Variants in LRRC4C observed in about 807,000 individuals in gnomAD.
The protein encoded by LRRC4C is leucine rich repeat containing 4C.
Under a neutral mutation model 33.6 loss-of-function variants are expected in LRRC4C, and 5 were observed. The observed-to-expected ratio is 0.15, with a 90% CI of 0.08 to 0.31. LRRC4C has a LOEUF of 0.31. Among genes scored for constraint, LRRC4C ranks in the 10% least tolerant of loss-of-function variants. The pLI is 1.00. For missense variants in LRRC4C, 560 were observed against 796.7 expected, an observed-to-expected ratio of 0.70 and a Z score of 3.58; for synonymous variants, 329 against 302.0, an observed-to-expected ratio of 1.09 and a Z score of -0.93.
intron 6 of LRRC4C, among the ~76,000 whole-genome samples, chr11:40,121,472 C>T (rs1393417027): frequency 6.6e-6 from 1 of 152,194 alleles, no homozygotes; most frequent in Non-Finnish European, 1.5e-5. Flanking sequence ...AAAAGCCAGT[C>T]TTCAACATCT....
At chr11:41,137,342 A>G (rs1943310644) in intron 1 of LRRC4C, among the ~76,000 whole-genome samples, 1 of 152,178 alleles carries the variant, frequency 6.6e-6, no homozygotes, top group African/African-American at 2.4e-5. Flanking sequence ...AAGATTCTAT[A>G]CCCAGGATGG....
At chr11:40,400,869 C>T (rs1949731934) in intron 3 of LRRC4C, among the ~76,000 whole-genome samples, 1 of 152,108 alleles carries the variant, frequency 6.6e-6, no homozygotes, top group Non-Finnish European at 1.5e-5. Context: ...CCTATACTTT[C>T]TCTATCCCAC....
chr11:40,635,627 A>ATTTT (rs1963879177), intron 3 of LRRC4C, among the ~76,000 whole-genome samples: 1 of 133,318 alleles, frequency 7.5e-6, no homozygotes, highest in African/African-American at 2.7e-5. Flanking sequence ...AAAAGAACCA[A>ATTTT]ATTTTTTTTT....
chr11:40,707,599 G>A (rs1591517373), intron 2 of LRRC4C, among the ~76,000 whole-genome samples: 1 of 152,282 alleles, frequency 6.6e-6, no homozygotes, highest in East Asian at 1.9e-4. Flanking sequence ...ATGTGCTGCT[G>A]GATTTGGTTT....
intron 1 of LRRC4C, among the ~76,000 whole-genome samples, chr11:41,428,873 T>C (rs1427725204): frequency 6.6e-6 from 1 of 152,122 alleles, no homozygotes; most frequent in Non-Finnish European, 1.5e-5. Context: ...ACTGGAGATG[T>C]ATGTGACTAA....
intron 6 of LRRC4C, among the ~76,000 whole-genome samples, chr11:40,131,952 T>C (rs903226957): frequency 6.6e-6 from 1 of 152,192 alleles, no homozygotes; most frequent in Non-Finnish European, 1.5e-5. Context: ...CCATCATGGG[T>C]TCCTAAGAAG....
At chr11:40,336,593 C>A (rs1946614314) in intron 3 of LRRC4C, among the ~76,000 whole-genome samples, 1 of 152,138 alleles carries the variant, frequency 6.6e-6, no homozygotes, top group African/African-American at 2.4e-5. Flanking sequence ...TCTCTCACAG[C>A]ATTTAGCATC....
Position 40,322,505 on chromosome 11 carries a change from C to T in LRRC4C, c.-269-2784G>A, listed in dbSNP as rs576011330. Among the ~76,000 whole-genome samples the T allele has an allele frequency of 5.2e-4, 79 of 152,282 alleles. 1 individual carries two copies. The highest frequency in any genetic ancestry group is 4.4e-5 in the Non-Finnish European group (3 of 68,032). On this transcript the variant is annotated intron_variant, in intron 3 of 6. Transcript: ENST00000528697. ...AGGTGATTCACCTGCCTCACCCTCC[C>T]AAACTGCAAGGATTACAGGTGTGAA...
At chr11:40,140,356 T>C (rs1857278827) in intron 6 of LRRC4C, among the ~76,000 whole-genome samples, 1 of 152,122 alleles carries the variant, frequency 6.6e-6, no homozygotes, top group Non-Finnish European at 1.5e-5. Flanking sequence ...TGCTGGTGGA[T>C]GGTGGTGTAA....
intron 1 of LRRC4C, among the ~76,000 whole-genome samples, chr11:40,947,082 T>A (rs568002519): frequency 6.6e-6 from 1 of 152,262 alleles, no homozygotes; most frequent in African/African-American, 2.4e-5. Flanking sequence ...GAAAGTTCCT[T>A]ATCAATTAAT....
chr11:40,323,143 AG>A (rs1945934670), intron 3 of LRRC4C, among the ~76,000 whole-genome samples: 1 of 152,190 alleles, frequency 6.6e-6, no homozygotes, highest in African/African-American at 2.4e-5. Flanking sequence ...TTGCACTCAA[AG>A]GCAGAAGTTC....
intron 3 of LRRC4C, among the ~76,000 whole-genome samples, chr11:40,364,548 A>G (rs1333367212): frequency 6.6e-6 from 1 of 152,122 alleles, no homozygotes; most frequent in Non-Finnish European, 1.5e-5. Context: ...AAAGACTAAA[A>G]AAGCAAGCAA....
chr11:41,259,990 T>A (rs552105182), intron 1 of LRRC4C, among the ~76,000 whole-genome samples: 1 of 152,192 alleles, frequency 6.6e-6, no homozygotes, highest in South Asian at 2.1e-4. Context: ...TGGCATCTAA[T>A]ATCTGTAGGT....
intron 3 of LRRC4C, among the ~76,000 whole-genome samples, chr11:40,568,273 C>G (rs1249311075): frequency 1.3e-5 from 2 of 152,298 alleles, no homozygotes; most frequent in African/African-American, 4.8e-5. Context: ...ATGTCTCCAA[C>G]CATCAGCCTG....
intron 5 of LRRC4C, among the ~76,000 whole-genome samples, chr11:40,200,653 GT>G (rs914621616): frequency 1.4e-4 from 20 of 146,764 alleles, no homozygotes; most frequent in African/African-American, 5.0e-4. Context: ...GTTCCCCGTA[GT>G]TTATTACCTT....
At chr11:40,140,218 A>T (rs1857266967) in intron 6 of LRRC4C, among the ~76,000 whole-genome samples, 1 of 152,192 alleles carries the variant, frequency 6.6e-6, no homozygotes, top group Admixed American at 6.5e-5. Flanking sequence ...TGATACAATA[A>T]ATCATAGAGC....
chr11:41,334,092 A>C (rs1951377028), intron 1 of LRRC4C, among the ~76,000 whole-genome samples: 1 of 152,200 alleles, frequency 6.6e-6, no homozygotes, highest in African/African-American at 2.4e-5. Context: ...TGCAGCTAGA[A>C]GGTTATCGTA....
intron 2 of LRRC4C, among the ~76,000 whole-genome samples, chr11:40,793,293 T>C (rs889804857): frequency 6.6e-6 from 1 of 152,130 alleles, no homozygotes; most frequent in Non-Finnish European, 1.5e-5. Flanking sequence ...ATTAAGAAAT[T>C]TCTTACTTGA....
chr11:40,537,938 A>T (rs559202907), intron 3 of LRRC4C, among the ~76,000 whole-genome samples: 1 of 152,234 alleles, frequency 6.6e-6, no homozygotes, highest in Admixed American at 6.5e-5. Flanking sequence ...TCTGTTAGGA[A>T]AGCCGAATCT....
Sources: gnomAD v4.1 joint callset for allele counts (sites outside exome capture counted in the v4.1 genomes callset) on GRCh38, gnomAD v4.1.1 for gene constraint, MANE v1.5 for transcripts, NCBI Gene and HGNC (gene_info 2026-07-23, HGNC 2026-07-21) for gene names.